The following WDR83 variants were observed in gnomAD, a reference collection of about 807,000 sequenced individuals.
WDR83 encodes WD repeat domain 83, also known as WD repeat domain-containing protein 83.
Under a neutral mutation model 37.7 loss-of-function variants are expected in WDR83, and 37 were observed. The observed-to-expected ratio is 0.98, with a 90% CI of 0.76 to 1.29. The LOEUF (loss-of-function observed/expected upper bound fraction) is 1.29. Among genes scored for constraint, WDR83 ranks in the 50% most tolerant of loss-of-function variants. WDR83 has a pLI of 0.00. For missense variants in WDR83, 445 were observed against 414.4 expected, an observed-to-expected ratio of 1.07 and a Z score of -0.64; for synonymous variants, 174 against 181.1, an observed-to-expected ratio of 0.96 and a Z score of 0.31.
intron 10 of WDR83, among the ~76,000 whole-genome samples, chr19:12,673,548 G>C (rs1238464658): frequency 1.3e-5 from 2 of 150,502 alleles, no homozygotes; most frequent in African/African-American, 4.9e-5. Context: ...CTCCTGAGTA[G>C]TTGGGATTAT....
Position 12,669,753 on chromosome 19 carries a change from A to G in WDR83, c.-36-2A>G, listed in dbSNP as rs775617600. Reference sequence around the variant, plus strand: ...TTCTAAGGCGCGGAATTTTCCGTACAGACCGATTTAAGGCTGCAAGGAAGG... The same window carrying G: ...TTCTAAGGCGCGGAATTTTCCGTACGGACCGATTTAAGGCTGCAAGGAAGG... On this transcript the variant is annotated splice_acceptor_variant, in intron 2 of 10. Transcript: ENST00000418543. LOFTEE classifies it low-confidence loss of function (5UTR_SPLICE). 1.9e-6 allele frequency: 3 copies of G among 1,546,628 alleles called. No homozygotes were observed. The highest frequency in any genetic ancestry group is 2.6e-6 in the Non-Finnish European group (3 of 1,146,920).
intron 7 of WDR83, 174 bp from the exon 8 acceptor site, chr19:12,672,673 T>G: frequency 1.6e-6 from 1 of 643,894 alleles, no homozygotes; most frequent in Non-Finnish European, 2.8e-6. Flanking sequence ...GTGTGGGTCT[T>G]GGAAATGATG....
rs2024268621 is a variant in WDR83 at position 12,666,983 on chromosome 19, C to T, written c.-166C>T. 3 of 538,428 alleles carry T rather than the reference C, an allele frequency of 5.6e-6. No individual in the cohort carries two copies. The highest frequency in any genetic ancestry group is 9.9e-6 in the Non-Finnish European group (3 of 303,390). 33.4% of individuals were successfully genotyped at this position (538,428 alleles called of 1,614,324 possible). On this transcript the variant is annotated 5_prime_UTR_variant, in exon 1 of 11. Transcript: ENST00000418543. ...GCCGGAATTCCAAGACGGAATGCCTCTTAATGCCGGTAGGAGCAGAAGTGC... is the reference window on the plus strand; with the variant it reads ...GCCGGAATTCCAAGACGGAATGCCTTTTAATGCCGGTAGGAGCAGAAGTGC...
intron 1 of WDR83, among the ~76,000 whole-genome samples, chr19:12,667,406 G>C (rs575508113): frequency 5.3e-5 from 8 of 152,324 alleles, no homozygotes; most frequent in African/African-American, 1.7e-4. Flanking sequence ...CTTGGGCCTG[G>C]GAGTTTGAGA....
Position 12,669,872 on chromosome 19 carries a change from G to A in WDR83, c.82G>A (p.Val28Met). The A allele has an allele frequency of 6.2e-7, 1 of 1,611,216 alleles. No homozygotes were observed. The highest frequency in any genetic ancestry group is 8.5e-7 in the Non-Finnish European group (1 of 1,178,328). Residue 28 changes from valine to methionine, a missense_variant, in exon 3 of 11, where the codon GTG (valine) becomes ATG (methionine). By Grantham distance (21) the Val-to-Met change is conservative (BLOSUM62 1). Transcript: ENST00000418543. Reference protein sequence around the residue: ...LKTLDCGQGAVRAVRFNVDGN... With the variant: ...LKTLDCGQGAMRAVRFNVDGN... ...GACGCTGGACTGCGGGCAGGGGGCA[G>A]TGCGAGCCGTACGATTTAATGGTGA... is the stretch of plus-strand genomic sequence containing the variant.
Position 12,669,723 on chromosome 19 carries a change from T to A in WDR83, c.-36-32T>A, listed in dbSNP as rs1164603953. On this transcript the variant is annotated intron_variant, in intron 2 of 10. Transcript: ENST00000418543. Reference sequence around the variant, plus strand: ...ACAATAATAAGGTTACACCCAAGCGTGGGTTTCTAAGGCGCGGAATTTTCC... The same window carrying A: ...ACAATAATAAGGTTACACCCAAGCGAGGGTTTCTAAGGCGCGGAATTTTCC... The A allele has an allele frequency of 2.1e-6, 3 of 1,460,696 alleles. No individual in the cohort carries two copies. In the Admixed American group the frequency reaches 6.6e-5, roughly 32 times the overall value. The allele number at this position is 1,460,696 out of a possible 1,614,324, so 90.5% of individuals were successfully genotyped here.
At chr19:12,670,959 G>A (rs998429670) in intron 7 of WDR83, 138 bp downstream of exon 7, 1 of 1,351,596 alleles carries the variant, frequency 7.4e-7, no homozygotes, top group African/African-American at 1.5e-5. Context: ...GGCTGAAGTG[G>A]AAGGATCACT....
intron 7 of WDR83, chr19:12,672,289 G>A: frequency 5.7e-6 from 1 of 175,826 alleles, no homozygotes; most frequent in Non-Finnish European, 1.2e-5. Flanking sequence ...TGAGTACTGA[G>A]GAGGAGGAGC....
At chr19:12,672,809 G>A (rs1450242079) in intron 7 of WDR83, 38 bp from the exon 8 acceptor site, 11 of 1,552,940 alleles carry the variant, frequency 7.1e-6, no homozygotes, top group Non-Finnish European at 8.7e-6. Context: ...CCATGTGAGT[G>A]TAGTCAAGGT....
Position 12,673,504 on chromosome 19 carries a change from G to A in WDR83, c.798+188G>A, listed in dbSNP as rs145590978. Among the ~76,000 whole-genome samples, 64 of 135,800 alleles carry A rather than the reference G, an allele frequency of 4.7e-4. No homozygotes were observed. The East Asian group carries it at 0.012, about 26-fold the overall frequency. The allele number at this position is 135,800 out of a possible 152,430, so 89.1% of individuals were successfully genotyped here. A position where few individuals can be genotyped will look rare whatever the true frequency, so the allele number is the denominator to read the frequency against. The stretch of plus-strand genomic sequence containing the variant: ...GCAATCTTGGCTCACTGTAAACTCC[G>A]CCTCCCAAGTTCAAGCGATTCTCCT... On this transcript the variant is annotated intron_variant, in intron 10 of 10. Transcript: ENST00000418543.
intron 7 of WDR83, 96 bp from the exon 8 acceptor site, chr19:12,672,751 C>T: frequency 7.8e-7 from 1 of 1,285,448 alleles, no homozygotes; most frequent in Non-Finnish European, 1.1e-6. Context: ...CTCCTGTGCA[C>T]TGGAAGAGCA....
Position 12,675,794 on chromosome 19 carries a change from A to G in WDR83, c.*122A>G. ...AGGGGAGGGGCTGGGTCTGCAAATT[A>G]ATAAATAGAAGAGGGGGTAAGACCT... On this transcript the variant is annotated 3_prime_UTR_variant, in exon 11 of 11. Transcript: ENST00000418543. 6.4e-7 allele frequency: 1 copy of G among 1,568,262 alleles called. No individual in the cohort carries two copies.
chr19:12,669,705 TAAG>T (rs2024353029), intron 2 of WDR83, 47 bp from the exon 3 acceptor site: 2 of 1,361,124 alleles, frequency 1.5e-6, no homozygotes, highest in Non-Finnish European at 2.0e-6. Context: ...AGAACAATAA[TAAG>T]GTTACACCCA....
At chr19:12,674,505 A>G (rs2024513004) in intron 10 of WDR83, among the ~76,000 whole-genome samples, 1 of 152,198 alleles carries the variant, frequency 6.6e-6, no homozygotes, top group African/African-American at 2.4e-5. Context: ...AGGTAGCAAG[A>G]ATGTTCCACC....
rs534249990 is a variant in WDR83 at position 12,675,569 on chromosome 19, C to T, written c.845C>T (p.Ser282Leu). Residue 282 changes from serine to leucine, a missense_variant, in exon 11 of 11, where the codon TCG (serine) becomes TTG (leucine). Transcript: ENST00000418543. ...CCTGTGGGTTCCGGTGTGGTGCAGTCGCTGGCCTACCACCCAACAGAGCCC... is the reference window on the plus strand; with the variant it reads ...CCTGTGGGTTCCGGTGTGGTGCAGTTGCTGGCCTACCACCCAACAGAGCCC... Reference protein sequence around the residue: ...ALPVGSGVVQSLAYHPTEPCL... With the variant: ...ALPVGSGVVQLLAYHPTEPCL... The T allele has an allele frequency of 1.8e-5, 29 of 1,606,152 alleles. No homozygotes were observed. Among genetic ancestry groups the T allele is most frequent in the South Asian group, 4.4e-5 (4 of 91,062 alleles).
Position 12,675,730 on chromosome 19 carries a change from G to C in WDR83, c.*58G>C. The C allele has an allele frequency of 1.3e-6, 2 of 1,586,694 alleles. No individual in the cohort carries two copies. The highest frequency in any genetic ancestry group is 2.7e-5 in the African/African-American group (2 of 74,452). On this transcript the variant is annotated 3_prime_UTR_variant, in exon 11 of 11. Coordinates refer to ENST00000418543, the MANE Select transcript of WDR83 (RefSeq NM_001099737.3). ...GAGACACAGACATGGAAGGACTTCA[G>C]ATACCATCTTATTCTAGAGACGTAG...
At position 12,673,284 on chromosome 19, in the gene WDR83, G is replaced by A; in HGVS notation, c.766G>A (p.Asp256Asn). 10 of 1,614,052 alleles carry A rather than the reference G, an allele frequency of 6.2e-6. No homozygotes were observed. The highest frequency in any genetic ancestry group is 8.5e-6 in the Non-Finnish European group (10 of 1,180,016). Residue 256 changes from aspartate to asparagine, a missense_variant, in exon 10 of 11, where the codon GAC becomes AAC. Physicochemically the swap from Asp to Asn is conservative, Grantham distance 23 (BLOSUM62 1). Transcript: ENST00000418543. ...RDTHVVSCSE[D>N]GKVFFWDLVE... is the part of the protein sequence containing the mutation. The stretch of plus-strand genomic sequence containing the variant: ...CACACATGTGGTCAGCTGTTCTGAG[G>A]ACGGGAAGGTGTTCTTCTGGGACCT...
At chr19:12,669,489 A>G in intron 2 of WDR83, 1 of 1,482,740 alleles carries the variant, frequency 6.7e-7, no homozygotes, top group Non-Finnish European at 9.2e-7. Flanking sequence ...TTAGAGTAAC[A>G]CCCGAGGCCC....
intron 10 of WDR83, among the ~76,000 whole-genome samples, chr19:12,674,196 C>T (rs1028046538): frequency 3.9e-5 from 6 of 152,320 alleles, no homozygotes; most frequent in East Asian, 3.9e-4. Context: ...AAGGGGGAGC[C>T]GACGGCCATG....
Sources: gnomAD v4.1 joint callset for allele counts (sites outside exome capture counted in the v4.1 genomes callset) on GRCh38, gnomAD v4.1.1 for gene constraint, MANE v1.5 for transcripts, NCBI Gene and HGNC (gene_info 2026-07-23, HGNC 2026-07-21) for gene names.